CHSY3: variants seen among roughly 807,000 people sequenced by gnomAD.
CHSY3 encodes the protein chondroitin sulfate synthase 3, also known as N-acetylgalactosaminyl-proteoglycan 3-beta-glucuronosyltransferase 3.
Under a neutral mutation model 67.2 loss-of-function variants are expected in CHSY3, and 35 were observed. The observed-to-expected ratio is 0.52, with a 90% CI of 0.40 to 0.69. The LOEUF is 0.69. Among genes scored for constraint, CHSY3 ranks in the 30% least tolerant of loss-of-function variants. The pLI is 0.00. For synonymous variants in CHSY3, 474 were observed against 434.7 expected (o/e 1.09, Z -1.12); for missense variants, 1,069 against 1,138.5 (o/e 0.94, Z 0.88).
At chr5:130,006,057 A>G (rs1415979170) in intron 2 of CHSY3, among the ~76,000 whole-genome samples, 1 of 152,234 alleles carries the variant, frequency 6.6e-6, no homozygotes, top group Non-Finnish European at 1.5e-5. Flanking sequence ...TGTCAAATTA[A>G]TAATGCATGT....
intron 2 of CHSY3, among the ~76,000 whole-genome samples, chr5:129,991,849 G>A (rs1580623006): frequency 6.6e-6 from 1 of 152,064 alleles, no homozygotes; most frequent in East Asian, 1.9e-4. Flanking sequence ...AAGAAAATAC[G>A]ACAATTAATG....
intron 2 of CHSY3, among the ~76,000 whole-genome samples, chr5:130,080,232 A>G (rs774554686): frequency 6.6e-6 from 1 of 151,952 alleles, no homozygotes; most frequent in African/African-American, 2.4e-5. Flanking sequence ...CAGACCTCCA[A>G]TACACACTTT....
chr5:130,108,886 A>G (rs1277640009), intron 2 of CHSY3, among the ~76,000 whole-genome samples: 2 of 151,728 alleles, frequency 1.3e-5, no homozygotes, highest in Admixed American at 1.3e-4. Flanking sequence ...TATTGCATCT[A>G]TTAAATATAA....
intron 2 of CHSY3, among the ~76,000 whole-genome samples, chr5:130,087,863 A>T (rs989199795): frequency 1.3e-5 from 2 of 151,138 alleles, no homozygotes; most frequent in African/African-American, 4.9e-5. Context: ...ATTGGAAAAA[A>T]CTACTTTAAA....
chr5:129,974,328 G>T (rs1387275210), intron 2 of CHSY3, among the ~76,000 whole-genome samples: 1 of 151,968 alleles, frequency 6.6e-6, no homozygotes, highest in Non-Finnish European at 1.5e-5. Context: ...CCTTCTGTGG[G>T]CTTACCCTGA....
chr5:130,039,333 G>A (rs544374829), intron 2 of CHSY3, among the ~76,000 whole-genome samples: 13 of 152,014 alleles, frequency 8.6e-5, no homozygotes, highest in East Asian at 5.8e-4. Flanking sequence ...CAAAAAATAA[G>A]AATAAAAATG....
rs73241708 is a variant in CHSY3 at position 129,937,966 on chromosome 5, C to T, written c.1086+29606C>T. On this transcript the variant is annotated intron_variant, in intron 2 of 2. Coordinates refer to ENST00000305031, the MANE Select transcript of CHSY3 (RefSeq NM_175856.5). ...AACCTCACATTTCCCCTCTTCACTTCCCTAGTCGAGGTTTTCCATGAAGGC... is the reference window on the plus strand; with the variant it reads ...AACCTCACATTTCCCCTCTTCACTTTCCTAGTCGAGGTTTTCCATGAAGGC... Among the ~76,000 whole-genome samples, 1,470 of 152,220 alleles carry T rather than the reference C, an allele frequency of 9.7e-3. 22 individuals are homozygous for T. Among genetic ancestry groups the T allele is most frequent in the African/African-American group, 0.034 (1,393 of 41,532 alleles).
In CHSY3 at chr5:130,185,363, G is replaced by A. The variant is rs749490610; in HGVS notation, c.2221G>A (p.Val741Met). The change falls in exon 3 of 3, where the codon GTG becomes ATG. Residue 741 changes from valine to methionine, a missense_variant. By Grantham distance (21) the Val-to-Met change is conservative. Transcript: ENST00000305031. The stretch of plus-strand genomic sequence containing the variant: ...AGACAATACAATTCAGGGACAACAG[G>A]TGTACTATCCCATCATCTTTAGCCA... ...CRDNTIQGQQ[V>M]YYPIIFSQYD... The A allele has an allele frequency of 8.7e-6, 14 of 1,603,462 alleles. No individual in the cohort carries two copies. The highest frequency in any genetic ancestry group is 8.5e-7 in the Non-Finnish European group (1 of 1,170,380).
intron 2 of CHSY3, among the ~76,000 whole-genome samples, chr5:129,930,505 TGGC>T (rs373834106): frequency 0.02 from 1,479 of 75,298 alleles, 70 homozygotes; most frequent in African/African-American, 0.076. Context: ...GAGGCATCAC[TGGC>T]GGGGGGGGGG....
At chr5:130,163,517 G>A (rs567559384) in intron 2 of CHSY3, among the ~76,000 whole-genome samples, 18 of 152,134 alleles carry the variant, frequency 1.2e-4, no homozygotes, top group African/African-American at 4.1e-4. Context: ...AGGTTTCAAA[G>A]AGTTGCTCCC....
chr5:129,927,094 C>T (rs1043013273), intron 2 of CHSY3, among the ~76,000 whole-genome samples: 13 of 151,726 alleles, frequency 8.6e-5, no homozygotes, highest in Non-Finnish European at 1.9e-4. Context: ...CCCTGATTTA[C>T]GTAAATTTTA....
intron 2 of CHSY3, among the ~76,000 whole-genome samples, chr5:129,940,325 G>T (rs2149594185): frequency 6.6e-6 from 1 of 152,138 alleles, no homozygotes; most frequent in Middle Eastern, 3.4e-3. Context: ...TGAATCTTTT[G>T]ATTCTTGTTA....
At chr5:130,129,764 C>A (rs754382732) in intron 2 of CHSY3, among the ~76,000 whole-genome samples, 1 of 152,098 alleles carries the variant, frequency 6.6e-6, no homozygotes, top group East Asian at 1.9e-4. Flanking sequence ...TAGGAAGCTG[C>A]AGACTTGAAG....
At chr5:129,919,051 G>C (rs1760828901) in intron 2 of CHSY3, among the ~76,000 whole-genome samples, 2 of 138,400 alleles carry the variant, frequency 1.4e-5, no homozygotes, top group East Asian at 2.1e-4. Flanking sequence ...AGCTTGCCGT[G>C]AGCCGAGATT....
At chr5:129,995,370 C>T (rs540652660) in intron 2 of CHSY3, among the ~76,000 whole-genome samples, 2 of 152,024 alleles carry the variant, frequency 1.3e-5, no homozygotes, top group East Asian at 1.9e-4. Context: ...TCTTCACCTA[C>T]CCTGGGGTTG....
At chr5:129,915,844 T>C (rs964066479) in intron 2 of CHSY3, among the ~76,000 whole-genome samples, 1 of 152,190 alleles carries the variant, frequency 6.6e-6, no homozygotes, top group Non-Finnish European at 1.5e-5. Context: ...TTTCCTGGCA[T>C]GAAAGAGAAC....
chr5:129,908,465 T>G (rs1043767004), intron 2 of CHSY3, 105 bp downstream of exon 2: 35 of 1,464,488 alleles, frequency 2.4e-5, no homozygotes, highest in Middle Eastern at 2.1e-4. Flanking sequence ...TTGTATTTAC[T>G]TGAAAGTGAT....
At chr5:130,099,376 G>T (rs1429139079) in intron 2 of CHSY3, among the ~76,000 whole-genome samples, 1 of 152,168 alleles carries the variant, frequency 6.6e-6, no homozygotes, top group Non-Finnish European at 1.5e-5. Flanking sequence ...TGTGTTCGTT[G>T]TTAGTAGTGT....
chr5:129,912,914 A>T (rs1016299065), intron 2 of CHSY3, among the ~76,000 whole-genome samples: 2 of 152,224 alleles, frequency 1.3e-5, no homozygotes, highest in Non-Finnish European at 2.9e-5. Flanking sequence ...AACAGACTTC[A>T]TGGGTTATAC....
Sources: gnomAD v4.1 joint callset for allele counts (sites outside exome capture counted in the v4.1 genomes callset) on GRCh38, gnomAD v4.1.1 for gene constraint, MANE v1.5 for transcripts, NCBI Gene and HGNC (gene_info 2026-07-23, HGNC 2026-07-21) for gene names.